Variants in SCGB2A1 observed in about 807,000 individuals in gnomAD.
SCGB2A1 encodes mammaglobin-B.
A neutral mutation model predicts 9.2 loss-of-function variants in SCGB2A1; 6 were observed. That is an observed-to-expected ratio of 0.66 (90% confidence interval 0.36 to 1.29). The LOEUF (loss-of-function observed/expected upper bound fraction) is 1.29, where lower values mean the gene tolerates loss of function less well. Ranked by LOEUF, SCGB2A1 falls within the 50% of genes most tolerant of loss-of-function variation. The pLI, the probability that SCGB2A1 is intolerant of heterozygous loss-of-function variation, is 0.03. For synonymous variants in SCGB2A1, 37 were observed against 41.0 expected (o/e 0.90, Z 0.37); for missense variants, 138 against 116.9 (o/e 1.18, Z -0.83).
chr11:62,213,106 A>ATATATCTTTTTT (rs67975205), intron 2 of SCGB2A1, among the ~76,000 whole-genome samples: 1 of 116,252 alleles, frequency 8.6e-6, no homozygotes, highest in Non-Finnish European at 1.7e-5. Flanking sequence ...ATATATATAT[A>ATATATCTTTTTT]TTTTTTTTTT....
At position 62,209,800 on chromosome 11, in the gene SCGB2A1, G is replaced by A. The variant is rs538089628; in HGVS notation, c.56-613G>A. ...AGTAATGCTCCTGCCTCAGCCTCCC[G>A]AGTAGCTGGGACTACAGGTGGACAC... On this transcript the variant is annotated intron_variant, in intron 1 of 2. Coordinates refer to ENST00000244930, the MANE Select transcript of SCGB2A1 (RefSeq NM_002407.3). Among the ~76,000 whole-genome samples, 14 of 152,140 alleles carry A rather than the reference G, an allele frequency of 9.2e-5. 1 individual carries two copies. The Middle Eastern group carries it at 0.01, about 111-fold the overall frequency.
chr11:62,213,837 A>G lies in SCGB2A1; in HGVS notation c.*67A>G. The G allele has an allele frequency of 7.4e-7, 1 of 1,358,558 alleles. No homozygotes were observed. Among genetic ancestry groups the G allele is most frequent in the South Asian group, 1.3e-5 (1 of 79,470 alleles). The allele number at this position is 1,358,558 out of a possible 1,614,324, so 84.2% of individuals were successfully genotyped here. On this transcript the variant is annotated 3_prime_UTR_variant, in exon 3 of 3. Transcript: ENST00000244930. The stretch of plus-strand genomic sequence containing the variant: ...CCAGAACTCATCTGTTGATTGCTAG[A>G]AACCACTTTTCTTTCTTGTGTTGTC...
intron 2 of SCGB2A1, among the ~76,000 whole-genome samples, chr11:62,211,829 G>A (rs979362956): frequency 1.3e-5 from 2 of 152,226 alleles, no homozygotes; most frequent in African/African-American, 2.4e-5. Context: ...GAAACAGCAC[G>A]AGTGCTAGAA....
chr11:62,210,377 T>C (rs1944818796), intron 1 of SCGB2A1, 36 bp from the exon 2 acceptor site: 8 of 1,530,308 alleles, frequency 5.2e-6, no homozygotes, highest in Non-Finnish European at 6.9e-6. Context: ...ATGGCCCATG[T>C]TCTTGTGTCT....
chr11:62,212,959 CACATATGT>C (rs1944843529), intron 2 of SCGB2A1, among the ~76,000 whole-genome samples: 1 of 150,656 alleles, frequency 6.6e-6, no homozygotes, highest in Non-Finnish European at 1.5e-5. Context: ...CACATATGTA[CACATATGT>C]ACACATATAT....
Position 62,208,907 on chromosome 11 carries a change from G to A in SCGB2A1, c.55+121G>A, listed in dbSNP as rs554706818. 5.4e-4 allele frequency: 505 copies of A among 930,454 alleles called. 7 individuals are homozygous for A. The South Asian group carries it at 7.2e-3, about 13-fold the overall frequency. 57.6% of individuals were successfully genotyped at this position (930,454 alleles called of 1,614,324 possible). A position where few individuals can be genotyped will look rare whatever the true frequency, so the allele number is the denominator to read the frequency against. ...GCCCCAGTGTGAAGGGCCTGGGTGC[G>A]ATAGGCCTTAGGATCCCCATGAGTT... On this transcript the variant is annotated intron_variant, in intron 1 of 2. Transcript: ENST00000244930.
At chr11:62,212,941 T>TATGTACACAC (rs1944842765) in intron 2 of SCGB2A1, among the ~76,000 whole-genome samples, 1 of 134,906 alleles carries the variant, frequency 7.4e-6, no homozygotes, top group Non-Finnish European at 1.7e-5. Context: ...TATACACACA[T>TATGTACACAC]ATGTACACAC....
At position 62,209,635 on chromosome 11, in the gene SCGB2A1, ATGTG is replaced by A. The variant is rs60357410; in HGVS notation, c.56-738_56-735del. Among the ~76,000 whole-genome samples the A allele has an allele frequency of 3.5e-3, 492 of 142,194 alleles. 4 individuals are homozygous for A. The highest frequency in any genetic ancestry group is 0.011 in the East Asian group (51 of 4,440). 93.3% of individuals were successfully genotyped at this position (142,194 alleles called of 152,430 possible). ...CATGAACAAGCTCTATTTCACATTC[ATGTG>A]TGTGTGTGTGTGTGTGTGTGTGTGT... On this transcript the variant is annotated intron_variant, in intron 1 of 2. Coordinates refer to ENST00000244930, the MANE Select transcript of SCGB2A1 (RefSeq NM_002407.3).
intron 2 of SCGB2A1, among the ~76,000 whole-genome samples, chr11:62,211,598 C>T (rs1013515699): frequency 2.6e-5 from 4 of 152,092 alleles, no homozygotes; most frequent in African/African-American, 9.7e-5. Context: ...TGAGATTTTA[C>T]CATGTTGGCC....
chr11:62,208,718 G>A lies in SCGB2A1; in HGVS notation c.-14G>A. 1 of 1,613,496 alleles carries A rather than the reference G, an allele frequency of 6.2e-7. No individual in the cohort carries two copies. Among genetic ancestry groups the A allele is most frequent in the African/African-American group, 1.3e-5 (1 of 75,042 alleles). On this transcript the variant is annotated 5_prime_UTR_variant, in exon 1 of 3. Transcript: ENST00000244930. The stretch of plus-strand genomic sequence containing the variant: ...TGCCACGCACGACTGAACACAGACA[G>A]CAGCCGCCTCGCCATGAAGCTGCTG...
At chr11:62,209,068 G>A (rs1762310889) in intron 1 of SCGB2A1, among the ~76,000 whole-genome samples, 2 of 152,134 alleles carry the variant, frequency 1.3e-5, no homozygotes. Flanking sequence ...ATTAAATATT[G>A]AAATGAACTA....
intron 2 of SCGB2A1, among the ~76,000 whole-genome samples, chr11:62,212,995 T>TGTACACACATATGTACACAC (rs1565121363): frequency 8.4e-6 from 1 of 118,972 alleles, no homozygotes; most frequent in African/African-American, 3.1e-5. Context: ...TATACATGCA[T>TGTACACACATATGTACACAC]ATATGTACAC....
intron 2 of SCGB2A1, among the ~76,000 whole-genome samples, chr11:62,211,469 C>T (rs949720252): frequency 1.3e-5 from 2 of 151,940 alleles, no homozygotes; most frequent in South Asian, 2.1e-4. Context: ...GCATGATCTT[C>T]GTTCACTGCA....
intron 2 of SCGB2A1, among the ~76,000 whole-genome samples, chr11:62,213,002 A>ACACACATATG (rs1944845658): frequency 1.2e-5 from 1 of 81,460 alleles, no homozygotes; most frequent in Non-Finnish European, 2.5e-5. Flanking sequence ...GCATATATGT[A>ACACACATATG]CACATATATG....
At chr11:62,213,162 C>T (rs1944852947) in intron 2 of SCGB2A1, among the ~76,000 whole-genome samples, 1 of 144,962 alleles carries the variant, frequency 6.9e-6, no homozygotes, top group Non-Finnish European at 1.5e-5. Flanking sequence ...GTTTAAACTC[C>T]TGGGGTCAAG....
intron 2 of SCGB2A1, among the ~76,000 whole-genome samples, chr11:62,212,374 C>T (rs1406487563): frequency 6.6e-6 from 1 of 151,664 alleles, no homozygotes; most frequent in Non-Finnish European, 1.5e-5. Flanking sequence ...ATCCCTCATA[C>T]CTGTAATCCC....
Position 62,212,047 on chromosome 11 carries a change from G to A in SCGB2A1, c.243+1447G>A, listed in dbSNP as rs115042120. Among the ~76,000 whole-genome samples the A allele has an allele frequency of 4.6e-3, 693 of 151,664 alleles. 5 individuals are homozygous for A. Among genetic ancestry groups the A allele is most frequent in the African/African-American group, 0.016 (656 of 41,392 alleles). ...AAGTGATTCTCCTGCCTCAGTCTTC[G>A]GAGTAGCTGGAATTACTGGCACACA... On this transcript the variant is annotated intron_variant, in intron 2 of 2. Coordinates refer to ENST00000244930, the MANE Select transcript of SCGB2A1 (RefSeq NM_002407.3).
At chr11:62,210,626 C>A (rs200866198) in intron 2 of SCGB2A1, 26 bp downstream of exon 2, 36 of 1,487,856 alleles carry the variant, frequency 2.4e-5, no homozygotes, top group Middle Eastern at 1.8e-4. Context: ...TCTTATGTAC[C>A]CTTTGAAAAT....
intron 1 of SCGB2A1, among the ~76,000 whole-genome samples, chr11:62,209,635 A>ATGTGTGTGTGTGTGTG (rs60357410): frequency 4.9e-4 from 69 of 142,200 alleles, no homozygotes; most frequent in East Asian, 1.6e-3. Flanking sequence ...TTTCACATTC[A>ATGTGTGTGTGTGTGTG]TGTGTGTGTG....
Sources: allele counts gnomAD v4.1 joint callset (sites outside exome capture counted in the v4.1 genomes callset), GRCh38; gene constraint gnomAD v4.1.1; transcripts MANE v1.5; gene names NCBI Gene and HGNC (gene_info 2026-07-23, HGNC 2026-07-21).